The following LMBR1 variants were observed in gnomAD, a reference collection of about 807,000 sequenced individuals.
The protein encoded by LMBR1 is limb region 1 protein homolog.
In LMBR1, 52 loss-of-function variants were observed where a neutral mutation model predicts 73.9. The ratio of observed to expected loss-of-function variants is 0.70; its 90% CI spans 0.56 to 0.89. LMBR1 has a LOEUF of 0.89. Among genes scored for constraint, LMBR1 ranks in the 40% least tolerant of loss-of-function variants. The pLI, the probability that LMBR1 is intolerant of heterozygous loss-of-function variation, is 0.00. For missense variants in LMBR1, 539 were observed against 579.8 expected, an observed-to-expected ratio of 0.93 and a Z score of 0.72; for synonymous variants, 215 against 209.4, an observed-to-expected ratio of 1.03 and a Z score of -0.23.
chr7:156,783,416 C>A (rs78702318), intron 5 of LMBR1, among the ~76,000 whole-genome samples: 12,449 of 152,052 alleles, frequency 0.082, 709 homozygotes, highest in African/African-American at 0.16. Flanking sequence ...TGGCCTCCTG[C>A]GATTCTCCCA....
At chr7:156,813,694 T>C (rs958143372) in intron 4 of LMBR1, among the ~76,000 whole-genome samples, 3 of 152,246 alleles carry the variant, frequency 2.0e-5, no homozygotes, top group Non-Finnish European at 4.4e-5. Context: ...CTTTCTATTA[T>C]GTTCTTTGAT....
chr7:156,756,485 T>C lies in LMBR1; in HGVS notation c.685-20A>G, dbSNP rs1159376320. 1 of 1,141,732 alleles carries C rather than the reference T, an allele frequency of 8.8e-7. No individual in the cohort carries two copies. The highest frequency in any genetic ancestry group is 1.3e-6 in the Non-Finnish European group (1 of 771,950). 70.7% of individuals were successfully genotyped at this position (1,141,732 alleles called of 1,614,324 possible). On this transcript the variant is annotated intron_variant, in intron 8 of 16. Transcript: ENST00000353442. ...AAGAATCTAAATTTAAAGATAAAAC[T>C]ATTCAATAATTCAACGTTATAAAAC...
At chr7:156,708,032 T>TA (rs1311043306) in intron 15 of LMBR1, among the ~76,000 whole-genome samples, 6 of 133,490 alleles carry the variant, frequency 4.5e-5, no homozygotes, top group Admixed American at 2.2e-4. Flanking sequence ...TGCATTTCTA[T>TA]ATAAAAAAAA....
chr7:156,766,579 T>C (rs573914047), intron 5 of LMBR1, among the ~76,000 whole-genome samples: 38 of 152,192 alleles, frequency 2.5e-4, no homozygotes, highest in Non-Finnish European at 4.7e-4. Context: ...GCAACAAGGA[T>C]AGGGGACTAA....
Position 156,892,946 on chromosome 7 carries a change from G to A in LMBR1, c.48C>T (p.Ser16=). 6.5e-7 allele frequency: 1 copy of A among 1,541,852 alleles called. No individual in the cohort carries two copies. The highest frequency in any genetic ancestry group is 8.7e-7 in the Non-Finnish European group (1 of 1,151,686). The part of the protein sequence containing the change: ...EVSAREQHFH[S]QVRESTICFL... ...CACGCACCGTGGACTCCCGCACTTG[G>A]CTGTGGAAGTGCTGCTCCCGCGCCG... Residue 16 remains serine (S), a synonymous_variant, in exon 1 of 17, where the codon AGC becomes AGT. Transcript: ENST00000353442.
At chr7:156,692,805 C>A (rs948992023) in intron 15 of LMBR1, among the ~76,000 whole-genome samples, 2 of 152,184 alleles carry the variant, frequency 1.3e-5, no homozygotes, top group South Asian at 4.1e-4. Context: ...TGGGGAGCAA[C>A]TAATCAAGAA....
intron 1 of LMBR1, among the ~76,000 whole-genome samples, chr7:156,839,977 C>A (rs1838358489): frequency 6.6e-6 from 1 of 152,048 alleles, no homozygotes; most frequent in African/African-American, 2.4e-5. Context: ...AAATTGTTTA[C>A]AATGGAATGA....
intron 5 of LMBR1, among the ~76,000 whole-genome samples, chr7:156,793,719 A>G (rs543620184): frequency 6.6e-6 from 1 of 152,336 alleles, no homozygotes; most frequent in South Asian, 2.1e-4. Flanking sequence ...CTTATTAGTC[A>G]AATGCATTTA....
At chr7:156,814,194 C>T (rs931123678) in intron 4 of LMBR1, among the ~76,000 whole-genome samples, 2 of 152,182 alleles carry the variant, frequency 1.3e-5, no homozygotes, top group African/African-American at 4.8e-5. Flanking sequence ...AATCCCAGAT[C>T]TCTTTTTCTT....
intron 4 of LMBR1, among the ~76,000 whole-genome samples, chr7:156,824,868 T>C (rs567728797): frequency 6.7e-6 from 1 of 149,370 alleles, no homozygotes; most frequent in South Asian, 2.1e-4. Flanking sequence ...AAAAAAGTGA[T>C]GTTTTCCAAG....
chr7:156,804,297 G>T (rs1831592197), intron 4 of LMBR1, among the ~76,000 whole-genome samples: 1 of 152,124 alleles, frequency 6.6e-6, no homozygotes, highest in African/African-American at 2.4e-5. Context: ...CCATTCACCT[G>T]CAAACAATCT....
intron 1 of LMBR1, among the ~76,000 whole-genome samples, chr7:156,854,067 CT>C (rs1366826474): frequency 6.6e-6 from 1 of 151,916 alleles, no homozygotes; most frequent in Non-Finnish European, 1.5e-5. Context: ...AACATAGTGG[CT>C]TCTGGCTTCC....
At chr7:156,675,905 C>T, downstream of LMBR1, 1 of 1,590,860 alleles carries the variant, frequency 6.3e-7, no homozygotes, top group Non-Finnish European at 8.6e-7. Flanking sequence ...GACTCAGCTG[C>T]AGCTGCAGAG....
intron 5 of LMBR1, among the ~76,000 whole-genome samples, chr7:156,781,017 C>T (rs1018293658): frequency 1.6e-4 from 25 of 152,190 alleles, no homozygotes; most frequent in Non-Finnish European, 1.3e-4. Flanking sequence ...AAAGCAAGCT[C>T]ATACTAAGGT....
chr7:156,708,384 G>C (rs1026333705), intron 15 of LMBR1, among the ~76,000 whole-genome samples: 1 of 152,188 alleles, frequency 6.6e-6, no homozygotes, highest in Non-Finnish European at 1.5e-5. Flanking sequence ...TGAAAATCCA[G>C]ATAATGGGAA....
chr7:156,683,437 A>C lies in LMBR1; in HGVS notation c.*641T>G, dbSNP rs1402688061. 1 of 152,650 alleles carries C rather than the reference A, an allele frequency of 6.6e-6. No individual in the cohort carries two copies. Among genetic ancestry groups the C allele is most frequent in the Non-Finnish European group, 1.5e-5 (1 of 68,046 alleles). 9.5% of individuals were successfully genotyped at this position (152,650 alleles called of 1,614,324 possible). The stretch of plus-strand genomic sequence containing the variant: ...ACAGAAGATATTCCTGTGGCTCTCT[A>C]AGGCTCCAGGTTTAAAAGAATTTAG... On this transcript the variant is annotated 3_prime_UTR_variant, in exon 17 of 17. Transcript: ENST00000353442.
At chr7:156,855,335 A>G (rs909081503) in intron 1 of LMBR1, among the ~76,000 whole-genome samples, 1 of 152,176 alleles carries the variant, frequency 6.6e-6, no homozygotes, top group African/African-American at 2.4e-5. Flanking sequence ...CATAGGCTCA[A>G]TAAAAGACTG....
intron 4 of LMBR1, among the ~76,000 whole-genome samples, chr7:156,801,243 C>T (rs1337310829): frequency 1.3e-5 from 2 of 152,096 alleles, no homozygotes; most frequent in Non-Finnish European, 2.9e-5. Flanking sequence ...TAAGAAATTG[C>T]CACGGTCACG....
intron 3 of LMBR1, among the ~76,000 whole-genome samples, chr7:156,831,828 C>T (rs1435154283): frequency 6.6e-6 from 1 of 152,208 alleles, no homozygotes; most frequent in Non-Finnish European, 1.5e-5. Context: ...TCTACGAGTA[C>T]ACTGAAGTCG....
Sources: gnomAD v4.1 joint callset for allele counts (sites outside exome capture counted in the v4.1 genomes callset) on GRCh38, gnomAD v4.1.1 for gene constraint, MANE v1.5 for transcripts, NCBI Gene and HGNC (gene_info 2026-07-23, HGNC 2026-07-21) for gene names.